The following CDK7 variants were observed in gnomAD, a reference collection of about 807,000 sequenced individuals.
CDK7 encodes cyclin-dependent kinase 7.
In CDK7, 25 loss-of-function variants were observed where a neutral mutation model predicts 49.1. That is an observed-to-expected ratio of 0.51 (90% CI 0.37 to 0.71). CDK7 has a LOEUF of 0.71. Among genes scored for constraint, CDK7 ranks in the 30% least tolerant of loss-of-function variants. The probability of loss-of-function intolerance (pLI) is 0.00; values close to 1 mark genes in which losing one functional copy is unlikely to be tolerated. For missense variants in CDK7, 316 were observed against 411.7 expected, an observed-to-expected ratio of 0.77 and a Z score of 2.01; for synonymous variants, 107 against 140.0, an observed-to-expected ratio of 0.76 and a Z score of 1.67.
intron 2 of CDK7, among the ~76,000 whole-genome samples, chr5:69,241,352 G>A (rs1179577757): frequency 2.0e-5 from 2 of 102,556 alleles, no homozygotes; most frequent in Non-Finnish European, 3.5e-5. Context: ...ACGGAGTCTT[G>A]CTCTGTCACC....
At chr5:69,270,337 C>T (rs1751449202) in intron 9 of CDK7, among the ~76,000 whole-genome samples, 1 of 152,040 alleles carries the variant, frequency 6.6e-6, no homozygotes, top group Admixed American at 6.6e-5. Flanking sequence ...CCCAGCTACT[C>T]AGGAGGCTGA....
intron 10 of CDK7, among the ~76,000 whole-genome samples, chr5:69,274,908 G>A (rs997111959): frequency 9.2e-5 from 14 of 152,074 alleles, no homozygotes; most frequent in South Asian, 4.2e-4. Flanking sequence ...GAGCCACCCC[G>A]CCCTGCCAGA....
chr5:69,266,697 G>A (rs1751179574), intron 8 of CDK7, among the ~76,000 whole-genome samples: 1 of 149,450 alleles, frequency 6.7e-6, no homozygotes. Context: ...TTCAGCAGGG[G>A]TGGCTTCCAG....
Position 69,267,637 on chromosome 5 carries a change from C to T in CDK7, c.628-1570C>T, listed in dbSNP as rs151111415. On this transcript the variant is annotated intron_variant, in intron 8 of 11. Coordinates refer to ENST00000256443, the MANE Select transcript of CDK7 (RefSeq NM_001799.4). ...TTAATCATAACCACAATACCATTGT[C>T]ATCTGAAAAAAGTGAACATTAATTC... Among the ~76,000 whole-genome samples the T allele has an allele frequency of 7.5e-4, 114 of 152,062 alleles. 1 individual carries two copies. The Middle Eastern group carries it at 0.014, about 18-fold the overall frequency.
At chr5:69,248,350 C>T (rs757911161) in intron 2 of CDK7, among the ~76,000 whole-genome samples, 1 of 151,846 alleles carries the variant, frequency 6.6e-6, no homozygotes, top group South Asian at 2.1e-4. Flanking sequence ...CTTTTTTCTT[C>T]TTGCTGCTTT....
At chr5:69,236,954 CTTTTT>C (rs4053029) in intron 2 of CDK7, among the ~76,000 whole-genome samples, 16 of 84,268 alleles carry the variant, frequency 1.9e-4, no homozygotes, top group Admixed American at 1.5e-3. Flanking sequence ...GCCTGGCCTT[CTTTTT>C]TTTTTTTTTT....
intron 2 of CDK7, among the ~76,000 whole-genome samples, chr5:69,242,701 A>G (rs766931048): frequency 1.4e-4 from 21 of 152,186 alleles, no homozygotes; most frequent in Non-Finnish European, 2.4e-4. Context: ...AATTTCTCCC[A>G]TAGTTAGCAT....
intron 2 of CDK7, among the ~76,000 whole-genome samples, chr5:69,240,640 CT>C (rs1005937505): frequency 6.6e-6 from 1 of 152,032 alleles, no homozygotes; most frequent in Non-Finnish European, 1.5e-5. Context: ...TAGCTCCTTC[CT>C]TTTTTGAGAC....
At chr5:69,245,176 T>C (rs1749655196) in intron 2 of CDK7, among the ~76,000 whole-genome samples, 1 of 152,118 alleles carries the variant, frequency 6.6e-6, no homozygotes, top group African/African-American at 2.4e-5. Flanking sequence ...GGTATCAGGG[T>C]AATACTGGCC....
intron 11 of CDK7, 84 bp from the exon 12 acceptor site, chr5:69,277,023 A>T (rs1752221693): frequency 8.7e-7 from 1 of 1,145,600 alleles, no homozygotes; most frequent in Admixed American, 2.2e-5. Context: ...GTTGGAATGC[A>T]GTGACTGGTT....
chr5:69,257,982 A>G lies in CDK7; in HGVS notation c.298-61A>G. ...ACATTTTAAGTCTGTAAATTGTTTT[A>G]TGTGGTAGAGTTTATTTGAAATAAT... On this transcript the variant is annotated intron_variant, in intron 5 of 11. Transcript: ENST00000256443. The G allele has an allele frequency of 8.6e-6, 7 of 817,130 alleles. No individual in the cohort carries two copies. In the South Asian group the frequency reaches 1.1e-4, roughly 13 times the overall value. The allele number at this position is 817,130 out of a possible 1,614,324, so 50.6% of individuals were successfully genotyped here. A position where few individuals can be genotyped will look rare whatever the true frequency, so the allele number is the denominator to read the frequency against.
chr5:69,246,294 G>A (rs1422865499), intron 2 of CDK7, among the ~76,000 whole-genome samples: 3 of 152,002 alleles, frequency 2.0e-5, no homozygotes, highest in Admixed American at 6.6e-5. Context: ...ATGCCACCAC[G>A]CCTGGCCGAT....
intron 9 of CDK7, 21 bp downstream of exon 9, chr5:69,269,314 T>A (rs1443681537): frequency 6.5e-7 from 1 of 1,549,660 alleles, no homozygotes; most frequent in South Asian, 1.2e-5. Context: ...ATGCATTTTC[T>A]TTGAAATGTA....
intron 9 of CDK7, 134 bp from the exon 10 acceptor site, chr5:69,272,758 C>CT: frequency 2.2e-6 from 1 of 463,352 alleles, no homozygotes; most frequent in East Asian, 3.4e-5. Context: ...TGTCTTACTA[C>CT]TAGTTCTAGG....
intron 8 of CDK7, 87 bp from the exon 9 acceptor site, chr5:69,269,120 C>CA: frequency 1.3e-6 from 1 of 772,444 alleles, no homozygotes. Context: ...GCCTGGGTGA[C>CA]AGAGCGAGAC....
At chr5:69,267,292 CTTTTTTTTTTTTTTTT>C (rs71612523) in intron 8 of CDK7, among the ~76,000 whole-genome samples, 1,133 of 91,104 alleles carry the variant, frequency 0.012, 7 homozygotes, top group Non-Finnish European at 0.016. Flanking sequence ...ATAAGGATTC[CTTTTTTTTTTTTTTTT>C]TTTTTTTTTT....
intron 2 of CDK7, among the ~76,000 whole-genome samples, chr5:69,238,459 GTTC>G (rs1749152063): frequency 6.6e-6 from 1 of 151,340 alleles, no homozygotes; most frequent in African/African-American, 2.4e-5. Context: ...TAAATTTGTT[GTTC>G]TTCTTGTAGA....
In CDK7 at chr5:69,269,290, G is replaced by A; in HGVS notation, c.711G>A (p.Trp237Ter). 6.2e-7 allele frequency: 1 copy of A among 1,604,068 alleles called. No homozygotes were observed. The highest frequency in any genetic ancestry group is 1.1e-5 in the South Asian group (1 of 89,438). ...ETLGTPTEEQ[W>*]PDMCSLPDYV... ...TGGGCACACCAACTGAGGAACAGTGGCCGGTAAGCCTTTATGCATTTTCTT... is the reference window on the plus strand; with the variant it reads ...TGGGCACACCAACTGAGGAACAGTGACCGGTAAGCCTTTATGCATTTTCTT... The change falls in exon 9 of 12, where the codon TGG (tryptophan) becomes TGA (stop). Residue 237 changes from tryptophan to a stop codon, truncating the protein, a stop_gained. Coordinates refer to ENST00000256443, the MANE Select transcript of CDK7 (RefSeq NM_001799.4). LOFTEE classifies it high-confidence loss of function.
chr5:69,269,738 AT>A (rs1357240530), intron 9 of CDK7, among the ~76,000 whole-genome samples: 2 of 151,510 alleles, frequency 1.3e-5, no homozygotes, highest in Admixed American at 6.6e-5. Flanking sequence ...TTTCTCTTAG[AT>A]TTTTTTAAAT....
Sources: gnomAD v4.1 joint callset for allele counts (sites outside exome capture counted in the v4.1 genomes callset) on GRCh38, gnomAD v4.1.1 for gene constraint, MANE v1.5 for transcripts, NCBI Gene and HGNC (gene_info 2026-07-23, HGNC 2026-07-21) for gene names.